SPOCK1: variants seen among roughly 807,000 people sequenced by gnomAD.
The protein encoded by SPOCK1 is SPARC (osteonectin), cwcv and kazal like domains proteoglycan 1.
In SPOCK1, 23 loss-of-function variants were observed where a neutral mutation model predicts 55.3. The observed-to-expected ratio is 0.42, with a 90% CI of 0.30 to 0.59. The LOEUF (loss-of-function observed/expected upper bound fraction) is 0.59. Ranked by LOEUF, SPOCK1 falls within the 20% of genes least tolerant of loss-of-function variation. The pLI is 0.22. For synonymous variants in SPOCK1, 226 were observed against 221.0 expected (o/e 1.02, Z -0.20); for missense variants, 499 against 552.5 (o/e 0.90, Z 0.97).
intron 3 of SPOCK1, among the ~76,000 whole-genome samples, chr5:137,194,657 CCCGGGCA>C (rs900212623): frequency 6.6e-6 from 1 of 152,166 alleles, no homozygotes; most frequent in Non-Finnish European, 1.5e-5. Context: ...CCTCCTCTTT[CCCGGGCA>C]CCAGACTCCT....
chr5:137,178,696 C>A (rs1186932611), intron 3 of SPOCK1, among the ~76,000 whole-genome samples: 1 of 152,208 alleles, frequency 6.6e-6, no homozygotes, highest in Non-Finnish European at 1.5e-5. Flanking sequence ...CAGTCCTGCA[C>A]CCTCAAGTGA....
intron 5 of SPOCK1, among the ~76,000 whole-genome samples, chr5:137,108,206 T>C (rs1753402705): frequency 6.6e-6 from 1 of 152,208 alleles, no homozygotes; most frequent in South Asian, 2.1e-4. Context: ...TGGCCAGGTA[T>C]TTAGGAGCAA....
chr5:137,072,400 C>T (rs1739810205), intron 5 of SPOCK1, among the ~76,000 whole-genome samples: 1 of 152,112 alleles, frequency 6.6e-6, no homozygotes, highest in East Asian at 1.9e-4. Context: ...CCTCGACCTG[C>T]TAAAACAGAG....
intron 2 of SPOCK1, among the ~76,000 whole-genome samples, chr5:137,422,191 A>G (rs916911342): frequency 2.8e-4 from 42 of 151,002 alleles, no homozygotes; most frequent in African/African-American, 9.7e-4. Context: ...GGGGTAACCC[A>G]ACCTTTGTCT....
At chr5:137,415,658 T>C (rs1375019127) in intron 2 of SPOCK1, among the ~76,000 whole-genome samples, 1 of 152,170 alleles carries the variant, frequency 6.6e-6, no homozygotes, top group East Asian at 1.9e-4. Context: ...GGGAAATCTC[T>C]ACCTGGTCAA....
chr5:137,143,252 G>C (rs972370078), intron 3 of SPOCK1, among the ~76,000 whole-genome samples: 1 of 152,230 alleles, frequency 6.6e-6, no homozygotes, highest in African/African-American at 2.4e-5. Context: ...GGCCTAGGGT[G>C]ATGGGTGTCA....
chr5:137,006,833 T>C (rs554976626), intron 6 of SPOCK1, among the ~76,000 whole-genome samples: 12 of 152,330 alleles, frequency 7.9e-5, no homozygotes, highest in South Asian at 2.1e-4. Flanking sequence ...TGCTGTGGGA[T>C]TGTCATAAAT....
At chr5:137,012,218 G>A (rs1246629565) in intron 6 of SPOCK1, among the ~76,000 whole-genome samples, 1 of 152,148 alleles carries the variant, frequency 6.6e-6, no homozygotes, top group Non-Finnish European at 1.5e-5. Flanking sequence ...ACATGTCTAA[G>A]TCAAGGAGCT....
chr5:137,442,522 G>A (rs973716242), intron 2 of SPOCK1, among the ~76,000 whole-genome samples: 26 of 152,178 alleles, frequency 1.7e-4, no homozygotes, highest in South Asian at 8.3e-4. Context: ...AAGATAGTGC[G>A]TGTACAACAC....
chr5:137,084,304 C>T (rs1487665879), intron 5 of SPOCK1, among the ~76,000 whole-genome samples: 1 of 151,820 alleles, frequency 6.6e-6, no homozygotes, highest in South Asian at 2.1e-4. Flanking sequence ...TAAGGGTATC[C>T]CTGAGCAGCA....
intron 5 of SPOCK1, among the ~76,000 whole-genome samples, chr5:137,082,070 G>A (rs1378213646): frequency 6.6e-6 from 1 of 152,222 alleles, no homozygotes; most frequent in South Asian, 2.1e-4. Flanking sequence ...TCTGCCCTGC[G>A]AGGCAAGTTG....
chr5:137,429,315 G>A (rs1752696584), intron 2 of SPOCK1, among the ~76,000 whole-genome samples: 1 of 152,146 alleles, frequency 6.6e-6, no homozygotes, highest in Non-Finnish European at 1.5e-5. Flanking sequence ...CTCTGTTTAA[G>A]GCAGAACTTT....
chr5:137,051,912 C>T (rs148789981), intron 6 of SPOCK1, among the ~76,000 whole-genome samples: 1 of 152,294 alleles, frequency 6.6e-6, no homozygotes, highest in East Asian at 1.9e-4. Flanking sequence ...TTTCTGCTGG[C>T]TTACTGCTTT....
chr5:137,494,757 C>T (rs1022159166), intron 2 of SPOCK1, among the ~76,000 whole-genome samples: 1 of 152,210 alleles, frequency 6.6e-6, no homozygotes, highest in Non-Finnish European at 1.5e-5. Context: ...ATCTTGTTCA[C>T]TCTTATAACC....
chr5:137,006,070 G>T (rs1349001678), intron 6 of SPOCK1, among the ~76,000 whole-genome samples: 1 of 152,208 alleles, frequency 6.6e-6, no homozygotes, highest in Non-Finnish European at 1.5e-5. Flanking sequence ...CTACATGTCT[G>T]TTCTGGTACC....
chr5:137,496,916 G>T (rs1754311002), intron 2 of SPOCK1, among the ~76,000 whole-genome samples: 1 of 152,146 alleles, frequency 6.6e-6, no homozygotes, highest in South Asian at 2.1e-4. Flanking sequence ...AATAGCTGTG[G>T]CTATTCATTG....
chr5:137,051,816 T>C (rs1752213392), intron 6 of SPOCK1, among the ~76,000 whole-genome samples: 1 of 152,164 alleles, frequency 6.6e-6, no homozygotes. Flanking sequence ...TCCAGTATGA[T>C]CAAAGAAGTA....
chr5:137,339,351 T>C (rs1177740182), intron 2 of SPOCK1, among the ~76,000 whole-genome samples: 1 of 152,252 alleles, frequency 6.6e-6, no homozygotes, highest in Non-Finnish European at 1.5e-5. Context: ...CACATTTTCC[T>C]TGGACAGGGA....
At position 137,341,919 on chromosome 5, in the gene SPOCK1, G is replaced by A. The variant is rs570986103; in HGVS notation, c.187-74864C>T. On this transcript the variant is annotated intron_variant, in intron 2 of 10. Transcript: ENST00000394945. ...TTGTAGCCAAATTACCTGAGAATGA[G>A]TGGTTTTAAAGCTGGCAAACTGTTT... Among the ~76,000 whole-genome samples, 6 of 152,340 alleles carry A rather than the reference G, an allele frequency of 3.9e-5. No homozygotes were observed. The East Asian group carries it at 1.2e-3, about 29-fold the overall frequency.
Sources: gnomAD v4.1 joint callset for allele counts (sites outside exome capture counted in the v4.1 genomes callset) on GRCh38, gnomAD v4.1.1 for gene constraint, MANE v1.5 for transcripts, NCBI Gene and HGNC (gene_info 2026-07-23, HGNC 2026-07-21) for gene names.